EPHA5: variants seen among roughly 807,000 people sequenced by gnomAD.
EPHA5 encodes the protein ephrin type-A receptor 5.
Under a neutral mutation model 105.0 loss-of-function variants are expected in EPHA5, and 60 were observed. The ratio of observed to expected loss-of-function variants is 0.57; its 90% CI spans 0.46 to 0.71. The LOEUF is 0.71. Among genes scored for constraint, EPHA5 ranks in the 30% least tolerant of loss-of-function variants. The pLI is 0.00. For missense variants in EPHA5, 1,218 were observed against 1,274.7 expected (o/e 0.96, Z 0.68); for synonymous variants, 513 against 449.1 (o/e 1.14, Z -1.80).
chr4:65,454,930 C>G (rs762543465), intron 5 of EPHA5, among the ~76,000 whole-genome samples: 1 of 152,156 alleles, frequency 6.6e-6, no homozygotes, highest in Non-Finnish European at 1.5e-5. Context: ...CTTTCTCTTT[C>G]ATACAAATAC....
intron 7 of EPHA5, among the ~76,000 whole-genome samples, chr4:65,412,693 A>G (rs967985068): frequency 6.6e-6 from 1 of 152,166 alleles, no homozygotes; most frequent in African/African-American, 2.4e-5. Context: ...AAGTTTTAAA[A>G]GTAGCTTATT....
chr4:65,545,363 C>G (rs963443436), intron 3 of EPHA5, among the ~76,000 whole-genome samples: 1 of 151,798 alleles, frequency 6.6e-6, no homozygotes. Context: ...TCCAAAGTAA[C>G]CCATCACTCC....
At chr4:65,651,672 A>T (rs1183690232) in intron 1 of EPHA5, among the ~76,000 whole-genome samples, 1 of 152,204 alleles carries the variant, frequency 6.6e-6, no homozygotes, top group Non-Finnish European at 1.5e-5. Flanking sequence ...TTTACCCCAA[A>T]GTATTTTTCA....
At position 65,322,945 on chromosome 4, in the gene EPHA5, T is replaced by C. The variant is rs367862046; in HGVS notation, c.*1169A>G. 8.7e-6 allele frequency: 2 copies of C among 229,168 alleles called. No homozygotes were observed. Among genetic ancestry groups the C allele is most frequent in the South Asian group, 1.8e-4 (1 of 5,500 alleles). The allele number at this position is 229,168 out of a possible 1,614,324, so 14.2% of individuals were successfully genotyped here. On this transcript the variant is annotated 3_prime_UTR_variant, in exon 17 of 17. Coordinates refer to ENST00000613740, the MANE Select transcript of EPHA5 (RefSeq NM_001281766.3). Reference sequence around the variant, plus strand: ...GTTACAACGGATTAACACTTAAGGGTGATGCTTCGTGCTATGTGCCTGGAT... The same window carrying C: ...GTTACAACGGATTAACACTTAAGGGCGATGCTTCGTGCTATGTGCCTGGAT...
At chr4:65,617,535 A>T (rs189637190) in intron 2 of EPHA5, among the ~76,000 whole-genome samples, 2 of 152,162 alleles carry the variant, frequency 1.3e-5, no homozygotes, top group East Asian at 3.9e-4. Flanking sequence ...GGAAACAGAA[A>T]GACCTTTTGA....
At chr4:65,393,226 T>C (rs577069399) in intron 8 of EPHA5, among the ~76,000 whole-genome samples, 1 of 152,184 alleles carries the variant, frequency 6.6e-6, no homozygotes, top group Non-Finnish European at 1.5e-5. Context: ...ACGTGCTTTG[T>C]ATGAAACTGA....
chr4:65,580,561 C>T (rs1209124228), intron 3 of EPHA5, among the ~76,000 whole-genome samples: 1 of 151,760 alleles, frequency 6.6e-6, no homozygotes, highest in African/African-American at 2.4e-5. Flanking sequence ...GCCACTTTGG[C>T]ATAAGGATTA....
intron 6 of EPHA5, among the ~76,000 whole-genome samples, chr4:65,417,833 A>C (rs1723539404): frequency 6.6e-6 from 1 of 152,160 alleles, no homozygotes; most frequent in South Asian, 2.1e-4. Context: ...AGAAGCAGCA[A>C]CGTTTTTTAA....
intron 3 of EPHA5, among the ~76,000 whole-genome samples, chr4:65,518,676 T>C (rs1278713417): frequency 6.6e-6 from 1 of 151,962 alleles, no homozygotes; most frequent in African/African-American, 2.4e-5. Context: ...AATGTACCCT[T>C]TAAATAGGTA....
intron 5 of EPHA5, among the ~76,000 whole-genome samples, chr4:65,460,763 C>T (rs1398143161): frequency 6.6e-6 from 1 of 151,614 alleles, no homozygotes; most frequent in Non-Finnish European, 1.5e-5. Flanking sequence ...CTCATTGAAA[C>T]TGTAATGGTG....
chr4:65,377,151 T>A (rs1719093433), intron 8 of EPHA5: 1 of 1,260,866 alleles, frequency 7.9e-7, no homozygotes, highest in African/African-American at 1.5e-5. Flanking sequence ...TACTCAGGTG[T>A]CTGCTTTCCT....
In EPHA5 at chr4:65,669,945, C is replaced by G. The variant is rs991647320; in HGVS notation, c.-203G>C. On this transcript the variant is annotated 5_prime_UTR_variant, in exon 1 of 17. Coordinates refer to ENST00000613740, the MANE Select transcript of EPHA5 (RefSeq NM_001281766.3). ...TTGCTTCTGGCTCCTCTCGCCTCCC[C>G]CTTTGGTGGGGTTAAATGAAATATT... 1.5e-5 allele frequency: 11 copies of G among 729,818 alleles called. No individual in the cohort carries two copies. Among genetic ancestry groups the G allele is most frequent in the East Asian group, 1.0e-4 (3 of 29,454 alleles). 45.2% of individuals were successfully genotyped at this position (729,818 alleles called of 1,614,324 possible).
In EPHA5 at chr4:65,321,451, A is replaced by T. The variant is rs193205873; in HGVS notation, c.*2663T>A. 3.7e-4 allele frequency: 86 copies of T among 230,068 alleles called. No homozygotes were observed. In the East Asian group the frequency reaches 5.1e-3, roughly 14 times the overall value. The allele number at this position is 230,068 out of a possible 1,614,324, so 14.3% of individuals were successfully genotyped here. On this transcript the variant is annotated 3_prime_UTR_variant, in exon 17 of 17. Coordinates refer to ENST00000613740, the MANE Select transcript of EPHA5 (RefSeq NM_001281766.3). ...CATTTTCCAATTGGTGACATATACA[A>T]TAGGAAACAAATATTTTAGGAAGGC...
chr4:65,365,891 C>A, intron 10 of EPHA5, 41 bp downstream of exon 10: 2 of 1,582,968 alleles, frequency 1.3e-6, no homozygotes, highest in Non-Finnish European at 1.7e-6. Context: ...TTCTGGAATG[C>A]AAACAAAAGT....
At chr4:65,564,560 G>A (rs1203988656) in intron 3 of EPHA5, among the ~76,000 whole-genome samples, 1 of 151,630 alleles carries the variant, frequency 6.6e-6, no homozygotes, top group African/African-American at 2.4e-5. Flanking sequence ...TGTTAACCGA[G>A]CTCAGTCCCT....
rs371151957 is a variant in EPHA5 at position 65,433,341 on chromosome 4, AT to A, written c.1403-12777del. Among the ~76,000 whole-genome samples the A allele has an allele frequency of 2.8e-3, 426 of 152,310 alleles. 4 individuals carry two copies. Among genetic ancestry groups the A allele is most frequent in the Non-Finnish European group, 4.7e-3 (318 of 68,010 alleles). On this transcript the variant is annotated intron_variant, in intron 5 of 16. Coordinates refer to ENST00000613740, the MANE Select transcript of EPHA5 (RefSeq NM_001281766.3). ...ACAAAATATTCTAATGCCCATTCTG[AT>A]TACTAGGCCTCTCTTCAGTGAAACA...
intron 1 of EPHA5, among the ~76,000 whole-genome samples, chr4:65,664,407 C>T (rs568580631): frequency 3.9e-5 from 6 of 151,918 alleles, no homozygotes; most frequent in Admixed American, 1.3e-4. Context: ...AAGATAGGTA[C>T]TAATAATTTT....
intron 8 of EPHA5, among the ~76,000 whole-genome samples, chr4:65,386,684 A>C (rs1355431080): frequency 2.0e-5 from 3 of 152,102 alleles, no homozygotes; most frequent in South Asian, 2.1e-4. Context: ...TGCTCATATA[A>C]ATTTTATATT....
intron 3 of EPHA5, among the ~76,000 whole-genome samples, chr4:65,577,916 C>T (rs2149391684): frequency 6.6e-6 from 1 of 152,238 alleles, no homozygotes. Context: ...TCCCCATAAA[C>T]TCAGGAATCT....
Sources: allele counts gnomAD v4.1 joint callset (sites outside exome capture counted in the v4.1 genomes callset), GRCh38; gene constraint gnomAD v4.1.1; transcripts MANE v1.5; gene names NCBI Gene and HGNC (gene_info 2026-07-23, HGNC 2026-07-21).